Variants in LMO7 observed in about 807,000 individuals in gnomAD.
LMO7 encodes LIM domain only protein 7.
Under a neutral mutation model 206.5 loss-of-function variants are expected in LMO7, and 120 were observed. The observed-to-expected ratio is 0.58, with a 90% CI of 0.50 to 0.68. LMO7 has a LOEUF of 0.68. LMO7 is among the 30% of genes least tolerant of loss of function. The pLI, the probability that LMO7 is intolerant of heterozygous loss-of-function variation, is 0.00. For missense variants in LMO7, 1,959 were observed against 1,957.9 expected, an observed-to-expected ratio of 1.00 and a Z score of -0.01; for synonymous variants, 706 against 681.5, an observed-to-expected ratio of 1.04 and a Z score of -0.56.
chr13:75,623,300 G>C (rs752395756), exon 2 of LMO7: 2 of 1,452,368 alleles, frequency 1.4e-6, no homozygotes, highest in Non-Finnish European at 1.9e-6. Context: ...ACAAAATTCA[G>C]GAAGGACTAT....
chr13:75,800,063 G>C (rs1452532155), intron 6 of LMO7, among the ~76,000 whole-genome samples: 3 of 152,198 alleles, frequency 2.0e-5, no homozygotes, highest in Non-Finnish European at 4.4e-5. Flanking sequence ...TCAACAAGAA[G>C]GATAAGCCAG....
chr13:75,840,061 C>A (rs372542117), intron 20 of LMO7, 24 bp from the exon 21 acceptor site: 1 of 1,611,662 alleles, frequency 6.2e-7, no homozygotes, highest in Non-Finnish European at 8.5e-7. Context: ...TATTTTTCTT[C>A]CTTGCCCATG....
chr13:75,811,115 C>G (rs569836836), intron 11 of LMO7, among the ~76,000 whole-genome samples: 1 of 152,118 alleles, frequency 6.6e-6, no homozygotes, highest in South Asian at 2.1e-4. Flanking sequence ...TTTTGGACCA[C>G]TTGAAGTCAA....
intron 4 of LMO7, among the ~76,000 whole-genome samples, chr13:75,785,904 A>G (rs2052353780): frequency 6.6e-6 from 1 of 152,212 alleles, no homozygotes; most frequent in South Asian, 2.1e-4. Flanking sequence ...TGAAATGTCT[A>G]GTTTAGTATT....
At chr13:75,622,329 G>A (rs1399935828) in intron 1 of LMO7, 2 of 152,360 alleles carry the variant, frequency 1.3e-5, no homozygotes, top group African/African-American at 4.8e-5. Context: ...TATTAAAACA[G>A]TATAAGACAT....
intron 1 of LMO7, among the ~76,000 whole-genome samples, chr13:75,675,155 C>T (rs1028406659): frequency 6.6e-6 from 1 of 151,128 alleles, no homozygotes; most frequent in Non-Finnish European, 1.5e-5. Context: ...TCACTCATTG[C>T]AACCTCTGCC....
intron 1 of LMO7, among the ~76,000 whole-genome samples, chr13:75,640,887 T>C (rs1045900016): frequency 2.0e-5 from 3 of 152,228 alleles, no homozygotes; most frequent in Non-Finnish European, 2.9e-5. Flanking sequence ...TTTATTTACT[T>C]AGCATTTCCT....
Position 75,807,347 on chromosome 13 carries a change from G to A in LMO7, c.1197-133G>A. ...TTTCCTAGCAAGAGTCCCCACAATG[G>A]TCCTCTAAAATGATTTACCCTCAGT... On this transcript the variant is annotated intron_variant, in intron 9 of 30. Coordinates refer to ENST00000377534, the MANE Select transcript of LMO7 (RefSeq NM_001306080.2). 4.7e-6 allele frequency: 4 copies of A among 846,776 alleles called. 1 individual carries two copies. The South Asian group carries it at 7.3e-5, about 16-fold the overall frequency. The allele number at this position is 846,776 out of a possible 1,614,324, so 52.5% of individuals were successfully genotyped here.
intron 25 of LMO7, 51 bp downstream of exon 25, chr13:75,842,967 A>G (rs914986667): frequency 2.8e-6 from 3 of 1,083,864 alleles, no homozygotes; most frequent in African/African-American, 1.5e-5. Flanking sequence ...GCTTCAGACA[A>G]TATTCCAGAG....
Position 75,830,065 on chromosome 13 carries a change from T to A in LMO7, c.2950-2986T>A, listed in dbSNP as rs567845609. Among the ~76,000 whole-genome samples the A allele has an allele frequency of 3.3e-5, 5 of 152,318 alleles. 1 individual carries two copies. The East Asian group carries it at 9.6e-4, about 29-fold the overall frequency. On this transcript the variant is annotated intron_variant, in intron 15 of 30. Coordinates refer to ENST00000377534, the MANE Select transcript of LMO7 (RefSeq NM_001306080.2). ...ATTCCTGTTCCATCCAGTTCAAAGA[T>A]GATTCTGTCATTATTATCTTCTGAA...
At chr13:75,760,872 T>C (rs1443123181) in intron 3 of LMO7, 60 bp from the exon 4 acceptor site, 21 of 1,600,810 alleles carry the variant, frequency 1.3e-5, no homozygotes, top group Non-Finnish European at 1.7e-5. Flanking sequence ...TCATAAAAAT[T>C]TGTAACCTTT....
chr13:75,754,021 T>A (rs1307883468), intron 3 of LMO7, among the ~76,000 whole-genome samples: 1 of 152,158 alleles, frequency 6.6e-6, no homozygotes, highest in African/African-American at 2.4e-5. Flanking sequence ...AATTAAAAAA[T>A]AATTTGAGGT....
chr13:75,798,441 T>C (rs559264291), intron 6 of LMO7, among the ~76,000 whole-genome samples: 1 of 152,334 alleles, frequency 6.6e-6, no homozygotes, highest in South Asian at 2.1e-4. Flanking sequence ...AATGACAGTC[T>C]GACTCAGGTT....
At chr13:75,723,011 T>C (rs897419196) in intron 2 of LMO7, among the ~76,000 whole-genome samples, 4 of 152,088 alleles carry the variant, frequency 2.6e-5, no homozygotes, top group Non-Finnish European at 5.9e-5. Context: ...CTTTGGGGAC[T>C]CGGGGGAAAG....
chr13:75,760,838 G>A (rs1278621383), intron 3 of LMO7, 94 bp from the exon 4 acceptor site: 1 of 1,565,964 alleles, frequency 6.4e-7, no homozygotes, highest in Non-Finnish European at 8.7e-7. Flanking sequence ...GACTGTAATT[G>A]GACTTTGAAG....
At chr13:75,829,757 G>A (rs1420607185) in intron 15 of LMO7, among the ~76,000 whole-genome samples, 5 of 151,650 alleles carry the variant, frequency 3.3e-5, no homozygotes, top group Non-Finnish European at 5.9e-5. Flanking sequence ...AACAGATTTA[G>A]CAGAAATAAG....
chr13:75,769,322 G>T (rs537595521), intron 4 of LMO7, among the ~76,000 whole-genome samples: 3 of 152,048 alleles, frequency 2.0e-5, no homozygotes, highest in East Asian at 3.9e-4. Flanking sequence ...GTTTTTCAGA[G>T]ACATGCCTTT....
At chr13:75,773,843 A>T (rs921066734) in intron 4 of LMO7, among the ~76,000 whole-genome samples, 1 of 152,176 alleles carries the variant, frequency 6.6e-6, no homozygotes, top group East Asian at 1.9e-4. Flanking sequence ...TTGTAGGAAA[A>T]CAAAGTCCAG....
At chr13:75,792,649 C>T (rs1415315383) in intron 4 of LMO7, among the ~76,000 whole-genome samples, 1 of 152,174 alleles carries the variant, frequency 6.6e-6, no homozygotes. Context: ...GCCCTGTGGC[C>T]ACATGACAGG....
Sources: gnomAD v4.1 joint callset for allele counts (sites outside exome capture counted in the v4.1 genomes callset) on GRCh38, gnomAD v4.1.1 for gene constraint, MANE v1.5 for transcripts, NCBI Gene and HGNC (gene_info 2026-07-23, HGNC 2026-07-21) for gene names.